Variants in CCDC171 observed in about 807,000 individuals in gnomAD.
CCDC171 encodes the protein coiled-coil domain-containing protein 171.
A neutral mutation model predicts 168.2 loss-of-function variants in CCDC171; 177 were observed. The ratio of observed to expected loss-of-function variants is 1.05; its 90% CI spans 0.93 to 1.19. CCDC171 has a LOEUF of 1.19. Ranked by LOEUF, CCDC171 falls within the 50% of genes most tolerant of loss-of-function variation. CCDC171 has a pLI of 0.00. For synonymous variants in CCDC171, 687 were observed against 540.8 expected (o/e 1.27, Z -3.75); for missense variants, 1,991 against 1,539.0 (o/e 1.29, Z -4.91).
intron 24 of CCDC171, among the ~76,000 whole-genome samples, chr9:15,905,634 C>G (rs1235004227): frequency 6.6e-6 from 1 of 152,106 alleles, no homozygotes; most frequent in Non-Finnish European, 1.5e-5. Context: ...AGAGCAAACA[C>G]ATTCAAAAGC....
chr9:15,679,155 A>G (rs926363497), intron 10 of CCDC171, among the ~76,000 whole-genome samples: 1 of 152,080 alleles, frequency 6.6e-6, no homozygotes, highest in African/African-American at 2.4e-5. Context: ...ATGTATTCAA[A>G]TGTTTTTTTT....
intron 1 of CCDC171, among the ~76,000 whole-genome samples, chr9:16,049,872 A>G (rs1833722104): frequency 6.6e-6 from 1 of 152,082 alleles, no homozygotes; most frequent in Non-Finnish European, 1.5e-5. Flanking sequence ...GAAGCCAGAT[A>G]TTATTCTTAC....
chr9:15,936,832 C>G (rs1013531762), intron 25 of CCDC171, among the ~76,000 whole-genome samples: 2 of 151,980 alleles, frequency 1.3e-5, no homozygotes, highest in Admixed American at 1.3e-4. Context: ...CCGTTATTAG[C>G]TAACCTTGGA....
intron 21 of CCDC171, among the ~76,000 whole-genome samples, chr9:15,801,833 G>A (rs753216029): frequency 1.3e-5 from 2 of 151,968 alleles, no homozygotes; most frequent in Non-Finnish European, 2.9e-5. Flanking sequence ...ATCATGAAGG[G>A]ATGTTGAATT....
intron 11 of CCDC171, among the ~76,000 whole-genome samples, chr9:15,700,090 AG>A (rs981463004): frequency 1.3e-5 from 2 of 152,128 alleles, no homozygotes; most frequent in Non-Finnish European, 2.9e-5. Flanking sequence ...GCCGTGGAGC[AG>A]GGGGCAGTGC....
In CCDC171 at chr9:15,571,699, G is replaced by C; in HGVS notation, c.117G>C (p.Arg39Ser). Reference sequence around the variant, plus strand: ...AGTTGGATATTACTGATAATCTCAGGAAGAAACTCCATTGGGCTAAAAAAG... The same window carrying C: ...AGTTGGATATTACTGATAATCTCAGCAAGAAACTCCATTGGGCTAAAAAAG... The part of the protein sequence containing the change: ...ETELDITDNL[R>S]KKLHWAKKEK... The change falls in exon 3 of 26, where the codon AGG (arginine) becomes AGC (serine). Residue 39 changes from arginine to serine, a missense_variant. Physicochemically the swap from Arg to Ser is moderately radical, Grantham distance 110 (BLOSUM62 -1). Transcript: ENST00000380701. 1.3e-6 allele frequency: 2 copies of C among 1,587,162 alleles called. No homozygotes were observed. Among genetic ancestry groups the C allele is most frequent in the Non-Finnish European group, 1.7e-6 (2 of 1,171,990 alleles).
intron 18 of CCDC171, among the ~76,000 whole-genome samples, chr9:15,754,318 AC>A (rs2055955393): frequency 6.6e-6 from 1 of 152,144 alleles, no homozygotes; most frequent in African/African-American, 2.4e-5. Flanking sequence ...GAAACTGGGC[AC>A]GTTATTTAAC....
intron 25 of CCDC171, among the ~76,000 whole-genome samples, chr9:15,923,020 C>A (rs182633889): frequency 5.9e-5 from 9 of 151,698 alleles, no homozygotes; most frequent in Admixed American, 4.0e-4. Flanking sequence ...TGTCTCTTCA[C>A]TGTGTTGATT....
At chr9:16,056,970 G>C (rs1225236683) in intron 1 of CCDC171, among the ~76,000 whole-genome samples, 1 of 152,194 alleles carries the variant, frequency 6.6e-6, no homozygotes, top group Non-Finnish European at 1.5e-5. Flanking sequence ...AGAAGTATTG[G>C]AGTTTTTATT....
intron 6 of CCDC171, among the ~76,000 whole-genome samples, chr9:15,596,082 C>T (rs2042328150): frequency 6.6e-6 from 1 of 152,120 alleles, no homozygotes; most frequent in African/African-American, 2.4e-5. Context: ...AATTTTCTCC[C>T]ATTCTGTAGG....
intron 23 of CCDC171, among the ~76,000 whole-genome samples, chr9:15,862,165 C>A (rs187527379): frequency 5.5e-5 from 5 of 90,386 alleles, no homozygotes; most frequent in South Asian, 9.9e-4. Flanking sequence ...TTTAAAAATT[C>A]TCTTTTTTTG....
At chr9:15,555,742 G>A (rs1245226252) in intron 1 of CCDC171, among the ~76,000 whole-genome samples, 2 of 152,100 alleles carry the variant, frequency 1.3e-5, no homozygotes, top group Non-Finnish European at 1.5e-5. Flanking sequence ...GTGCAGGTTT[G>A]TTACATATGC....
intron 11 of CCDC171, among the ~76,000 whole-genome samples, chr9:15,701,291 A>G (rs183229485): frequency 2.6e-4 from 40 of 152,002 alleles, no homozygotes; most frequent in African/African-American, 8.4e-4. Context: ...TGTGCTTTTG[A>G]GGTTTTAGCC....
intron 11 of CCDC171, among the ~76,000 whole-genome samples, chr9:15,712,903 GA>G (rs1458827435): frequency 4.6e-5 from 7 of 152,116 alleles, no homozygotes; most frequent in Non-Finnish European, 1.5e-5. Context: ...AGATGGCTAG[GA>G]AAAAACATTG....
intron 10 of CCDC171, among the ~76,000 whole-genome samples, chr9:15,689,286 A>G (rs1436356551): frequency 6.6e-6 from 1 of 152,210 alleles, no homozygotes; most frequent in Non-Finnish European, 1.5e-5. Flanking sequence ...CCCCAGATTG[A>G]TGGTTTAATG....
At chr9:15,801,878 A>G (rs150204056) in intron 21 of CCDC171, among the ~76,000 whole-genome samples, 292 of 152,144 alleles carry the variant, frequency 1.9e-3, no homozygotes, top group African/African-American at 5.5e-3. Context: ...AATTGAAATG[A>G]TTATATGGTT....
chr9:15,612,043 C>T (rs1227437882), intron 6 of CCDC171, among the ~76,000 whole-genome samples: 1 of 152,158 alleles, frequency 6.6e-6, no homozygotes, highest in Non-Finnish European at 1.5e-5. Flanking sequence ...TAGAAAGCAT[C>T]CTCTATAAAC....
Position 15,856,794 on chromosome 9 carries a change from G to C in CCDC171, c.3468+7847G>C, listed in dbSNP as rs899282441. ...GTGAAATCTCCATACTTTTTTTCCA[G>C]AGCATCTGCACCACTTTACATTCCT... On this transcript the variant is annotated intron_variant, in intron 23 of 25. Coordinates refer to ENST00000380701, the MANE Select transcript of CCDC171 (RefSeq NM_173550.4). Among the ~76,000 whole-genome samples the C allele has an allele frequency of 9.2e-5, 14 of 151,892 alleles. 1 individual carries two copies. The highest frequency in any genetic ancestry group is 3.9e-4 in the Admixed American group (6 of 15,234).
At chr9:15,874,790 T>A in intron 24 of CCDC171, 127 bp downstream of exon 24, 1 of 940,954 alleles carries the variant, frequency 1.1e-6, no homozygotes, top group Non-Finnish European at 1.5e-6. Context: ...TGTTTCTTCA[T>A]TTTTCTTCTA....
Sources: allele counts gnomAD v4.1 joint callset (sites outside exome capture counted in the v4.1 genomes callset), GRCh38; gene constraint gnomAD v4.1.1; transcripts MANE v1.5; gene names NCBI Gene and HGNC (gene_info 2026-07-23, HGNC 2026-07-21).